Variants in MAEL observed in about 807,000 individuals in gnomAD.
MAEL encodes the protein maelstrom spermatogenic transposon silencer, also known as protein maelstrom homolog.
MAEL carries 46 observed loss-of-function variants against 62.0 expected under a neutral mutation model. The observed-to-expected ratio is 0.74, with a 90% CI of 0.59 to 0.95. MAEL has a LOEUF of 0.95. Ranked by LOEUF, MAEL falls within the 40% of genes least tolerant of loss-of-function variation. The probability of loss-of-function intolerance (pLI) is 0.00; values close to 1 mark genes in which losing one functional copy is unlikely to be tolerated. For synonymous variants in MAEL, 172 were observed against 175.5 expected, an observed-to-expected ratio of 0.98 and a Z score of 0.16; for missense variants, 497 against 526.8, an observed-to-expected ratio of 0.94 and a Z score of 0.55.
intron 1 of MAEL, among the ~76,000 whole-genome samples, chr1:166,983,159 C>T (rs911733806): frequency 1.3e-5 from 2 of 151,980 alleles, no homozygotes; most frequent in African/African-American, 4.8e-5. Flanking sequence ...TTTTTCTATT[C>T]AACCTATTGT....
intron 1 of MAEL, among the ~76,000 whole-genome samples, chr1:166,978,981 TAG>T (rs902314645): frequency 2.0e-5 from 3 of 152,126 alleles, no homozygotes; most frequent in Non-Finnish European, 4.4e-5. Context: ...AGCTCTACAC[TAG>T]AGAACAGAAT....
chr1:167,019,975 A>G (rs1665555820), intron 10 of MAEL, among the ~76,000 whole-genome samples: 2 of 152,080 alleles, frequency 1.3e-5, no homozygotes, highest in South Asian at 4.2e-4. Flanking sequence ...CCTAACAATC[A>G]TATCCTGGAC....
At chr1:167,003,730 G>A (rs1469093817) in intron 5 of MAEL, among the ~76,000 whole-genome samples, 1 of 152,160 alleles carries the variant, frequency 6.6e-6, no homozygotes, top group African/African-American at 2.4e-5. Flanking sequence ...CTGTGGGAAA[G>A]TTGGTCTAAA....
chr1:167,005,081 T>C lies in MAEL; in HGVS notation c.654T>C (p.Asp218=), dbSNP rs752787583. ...GNWPPIYCKS[D]DRTRVNWCLK... ...TTGTTTTTTGCTTTCTCCAGTCTGA[T>C]GATAGAACCAGAGTCAACTGGTGTT... Residue 218 remains aspartate (D), a synonymous_variant, in exon 7 of 12, where the codon GAT becomes GAC. Coordinates refer to ENST00000367872, the MANE Select transcript of MAEL (RefSeq NM_032858.3). 1.2e-6 allele frequency: 2 copies of C among 1,613,460 alleles called. No homozygotes were observed. Among genetic ancestry groups the C allele is most frequent in the South Asian group, 2.2e-5 (2 of 90,982 alleles).
intron 11 of MAEL, 126 bp downstream of exon 11, chr1:167,021,286 G>A (rs1267851446): frequency 2.8e-6 from 2 of 716,232 alleles, no homozygotes; most frequent in East Asian, 2.7e-5. Flanking sequence ...TTGTTGAATT[G>A]AGGGTTTTAT....
chr1:166,989,626 C>T lies in MAEL; in HGVS notation c.133-111C>T. 50 of 1,459,938 alleles carry T rather than the reference C, an allele frequency of 3.4e-5. No homozygotes were observed. The South Asian group carries it at 6.3e-4, about 18-fold the overall frequency. 90.4% of individuals were successfully genotyped at this position (1,459,938 alleles called of 1,614,324 possible). A position where few individuals can be genotyped will look rare whatever the true frequency, so the allele number is the denominator to read the frequency against. On this transcript the variant is annotated intron_variant, in intron 1 of 11. Transcript: ENST00000367872. ...GAAGGCCCCCGTTTGTGGCCCTGGG[C>T]AAACCGACACCAGAACCACCTCCCT... is the stretch of plus-strand genomic sequence containing the variant.
chr1:167,011,475 C>T (rs1284325401), intron 8 of MAEL, among the ~76,000 whole-genome samples: 2 of 152,084 alleles, frequency 1.3e-5, no homozygotes, highest in Non-Finnish European at 2.9e-5. Context: ...CATTCATTGT[C>T]CATGTTTTTA....
upstream of MAEL, among the ~76,000 whole-genome samples, chr1:166,985,176 G>C (rs1046297779): frequency 7.2e-5 from 11 of 152,196 alleles, no homozygotes; most frequent in Non-Finnish European, 1.5e-4. Context: ...CCTGGAGAGA[G>C]TACCGGAATG....
chr1:167,006,451 A>G (rs182299763), intron 8 of MAEL, among the ~76,000 whole-genome samples: 1 of 151,806 alleles, frequency 6.6e-6, no homozygotes, highest in Admixed American at 6.6e-5. Flanking sequence ...CAGGAATACC[A>G]CAGAAGGGAT....
chr1:167,013,391 T>C (rs964058347), intron 8 of MAEL, among the ~76,000 whole-genome samples: 1 of 152,192 alleles, frequency 6.6e-6, no homozygotes, highest in African/African-American at 2.4e-5. Flanking sequence ...TCTCAGTACC[T>C]CTCAGCCTGT....
chr1:166,977,648 A>C (rs1447305190), intron 1 of MAEL, among the ~76,000 whole-genome samples: 1 of 152,224 alleles, frequency 6.6e-6, no homozygotes, highest in Non-Finnish European at 1.5e-5. Context: ...TTTATTATCT[A>C]AGCACACATA....
At chr1:166,989,671 C>T in intron 1 of MAEL, 66 bp from the exon 2 acceptor site, 1 of 1,524,814 alleles carries the variant, frequency 6.6e-7, no homozygotes, top group Non-Finnish European at 8.9e-7. Flanking sequence ...CAGCATCTGC[C>T]TGCGGGCCCT....
intron 1 of MAEL, 114 bp downstream of exon 1, chr1:166,989,598 G>A: frequency 6.7e-7 from 1 of 1,487,468 alleles, no homozygotes. Flanking sequence ...GCCAGAGGAA[G>A]AGGAAGGCCC....
chr1:167,016,055 A>C lies in MAEL; in HGVS notation c.846-167A>C, dbSNP rs112206695. On this transcript the variant is annotated intron_variant, in intron 8 of 11. Transcript: ENST00000367872. ...GCGTAGTATCATGAATTTGTATCAG[A>C]GAATGTAGCATTAAAATCTGTTTTT... is the stretch of plus-strand genomic sequence containing the variant. 459 of 653,280 alleles carry C rather than the reference A, an allele frequency of 7.0e-4. No homozygotes were observed. In the African/African-American group the frequency reaches 7.6e-3, roughly 11 times the overall value. 40.5% of individuals were successfully genotyped at this position (653,280 alleles called of 1,614,324 possible). A position where few individuals can be genotyped will look rare whatever the true frequency, so the allele number is the denominator to read the frequency against.
At chr1:166,983,636 T>C (rs966282985) in intron 1 of MAEL, among the ~76,000 whole-genome samples, 1 of 151,962 alleles carries the variant, frequency 6.6e-6, no homozygotes, top group African/African-American at 2.4e-5. Context: ...TAGAAAAAAA[T>C]CAATCTGGTT....
chr1:167,003,321 G>C (rs1446056703), intron 5 of MAEL, among the ~76,000 whole-genome samples: 1 of 152,138 alleles, frequency 6.6e-6, no homozygotes, highest in Non-Finnish European at 1.5e-5. Context: ...ACATAATTAT[G>C]TAAAATCTGT....
intron 8 of MAEL, among the ~76,000 whole-genome samples, chr1:167,011,753 G>A (rs1393576372): frequency 6.6e-6 from 1 of 152,132 alleles, no homozygotes. Context: ...AATTAAATTT[G>A]TACATGGTTA....
intron 5 of MAEL, among the ~76,000 whole-genome samples, chr1:166,996,438 C>T (rs1469080745): frequency 1.3e-5 from 2 of 152,222 alleles, no homozygotes; most frequent in South Asian, 2.1e-4. Flanking sequence ...TGCTTTAAAA[C>T]ATCAAAATTT....
intron 5 of MAEL, among the ~76,000 whole-genome samples, chr1:167,003,914 A>T (rs1369037049): frequency 2.0e-5 from 3 of 152,196 alleles, no homozygotes; most frequent in African/African-American, 7.2e-5. Flanking sequence ...GTCATGACTC[A>T]ACTGTTTACC....
Sources: allele counts gnomAD v4.1 joint callset (sites outside exome capture counted in the v4.1 genomes callset), GRCh38; gene constraint gnomAD v4.1.1; transcripts MANE v1.5; gene names NCBI Gene and HGNC (gene_info 2026-07-23, HGNC 2026-07-21).